AGAP1: variants seen among roughly 807,000 people sequenced by gnomAD.
AGAP1 encodes the protein ArfGAP with GTPase domain, ankyrin repeat and PH domain 1.
AGAP1 carries 29 observed loss-of-function variants against 105.3 expected under a neutral mutation model. That is an observed-to-expected ratio of 0.28 (90% CI 0.21 to 0.38). The LOEUF is 0.38. AGAP1 is among the 10% of genes least tolerant of loss of function. The pLI is 1.00. For missense variants in AGAP1, 998 were observed against 1,165.1 expected, an observed-to-expected ratio of 0.86 and a Z score of 2.09; for synonymous variants, 509 against 485.9, an observed-to-expected ratio of 1.05 and a Z score of -0.63.
rs1200390997 is a variant in AGAP1 at position 235,994,572 on chromosome 2, C to T, written c.1645+25949C>T. Reference sequence around the variant, plus strand: ...CACTGAGAGGTTACTTTCTACCAAACTGTTTCCTAATTGCACTCCCTGCAT... The same window carrying T: ...CACTGAGAGGTTACTTTCTACCAAATTGTTTCCTAATTGCACTCCCTGCAT... On this transcript the variant is annotated intron_variant, in intron 13 of 17. Coordinates refer to ENST00000304032, the MANE Select transcript of AGAP1 (RefSeq NM_001037131.3). The surrounding 1 kb of genome is among the most constrained non-coding windows in gnomAD (Gnocchi z 4.4). 6.6e-6 allele frequency among the ~76,000 whole-genome samples: 1 copy of T among 151,782 alleles called. No individual in the cohort carries two copies. Among genetic ancestry groups the T allele is most frequent in the Non-Finnish European group, 1.5e-5 (1 of 67,978 alleles).
chr2:235,898,229 C>T (rs1214856993), intron 10 of AGAP1, among the ~76,000 whole-genome samples: 1 of 152,198 alleles, frequency 6.6e-6, no homozygotes. Flanking sequence ...TTCCCATTTG[C>T]TGCAGGGTGC....
At chr2:236,057,785 A>AG (rs1161039388) in intron 16 of AGAP1, among the ~76,000 whole-genome samples, 2 of 152,182 alleles carry the variant, frequency 1.3e-5, no homozygotes, top group Non-Finnish European at 2.9e-5. Context: ...ATTTCTAAGA[A>AG]GAGACTAGTC....
chr2:235,955,926 T>C (rs747890739), intron 12 of AGAP1, among the ~76,000 whole-genome samples: 49 of 152,178 alleles, frequency 3.2e-4, no homozygotes, highest in South Asian at 2.1e-4. Flanking sequence ...GATAGGACAC[T>C]TTCCTGTGCA....
At chr2:235,561,493 T>A (rs1337555178) in intron 1 of AGAP1, among the ~76,000 whole-genome samples, 1 of 152,142 alleles carries the variant, frequency 6.6e-6, no homozygotes, top group African/African-American at 2.4e-5. Context: ...TTCCTCTGGC[T>A]GCTGACTTGG....
chr2:235,968,740 C>A, intron 13 of AGAP1, 117 bp downstream of exon 13: 1 of 1,078,554 alleles, frequency 9.3e-7, no homozygotes, highest in Non-Finnish European at 1.3e-6. Context: ...ATGCTGGTCA[C>A]CGTATGTGCT....
intron 16 of AGAP1, among the ~76,000 whole-genome samples, chr2:236,057,559 C>A (rs1050554105): frequency 3.3e-5 from 5 of 151,764 alleles, no homozygotes; most frequent in African/African-American, 1.2e-4. Flanking sequence ...GAGCCCCCCC[C>A]TCAACCCCCG....
intron 13 of AGAP1, among the ~76,000 whole-genome samples, chr2:235,987,677 G>A (rs957603548): frequency 2.0e-5 from 3 of 152,056 alleles, no homozygotes; most frequent in Non-Finnish European, 4.4e-5. Context: ...CACTGTTTTA[G>A]CGGTATCCCA....
intron 1 of AGAP1, among the ~76,000 whole-genome samples, chr2:235,676,064 T>C (rs2149379318): frequency 6.6e-6 from 1 of 152,318 alleles, no homozygotes; most frequent in East Asian, 1.9e-4. Context: ...AAACATATAT[T>C]GCATGTTTAT....
rs1278562783 is a variant in AGAP1 at position 235,586,384 on chromosome 2, G to A, written c.163+91535G>A. Among the ~76,000 whole-genome samples the A allele has an allele frequency of 2.0e-5, 3 of 152,326 alleles. No individual in the cohort carries two copies. Among genetic ancestry groups the A allele is most frequent in the East Asian group, 1.9e-4 (1 of 5,178 alleles). On this transcript the variant is annotated intron_variant, in intron 1 of 17. Transcript: ENST00000304032. This position sits in a 1 kb window ranked among gnomAD's most constrained non-coding sequence, Gnocchi z 4.2. ...GTGTGTGTGGAGTTGGGAAAGAGAC[G>A]GATGTTGAGCCTGAAGAGGCTGTGA...
chr2:236,108,332 CTG>C (rs1462226873), intron 16 of AGAP1, among the ~76,000 whole-genome samples: 5 of 152,234 alleles, frequency 3.3e-5, no homozygotes, highest in Non-Finnish European at 5.9e-5. Context: ...AGGAAGCACT[CTG>C]GAAATTCCTT....
rs376422445 is a variant in AGAP1, at chr2:235,659,638, C to T, written c.164-49541C>T. On this transcript the variant is annotated intron_variant, in intron 1 of 17. Coordinates refer to ENST00000304032, the MANE Select transcript of AGAP1 (RefSeq NM_001037131.3). This position sits in a 1 kb window ranked among gnomAD's most constrained non-coding sequence, Gnocchi z 5.0. ...TGAGAACCTGTGCAGGTCCAGGTGCCGAGGGCTGTCAGATCCCTGCATCAA... is the reference window on the plus strand; with the variant it reads ...TGAGAACCTGTGCAGGTCCAGGTGCTGAGGGCTGTCAGATCCCTGCATCAA... 3.3e-5 allele frequency among the ~76,000 whole-genome samples: 5 copies of T among 152,294 alleles called. 1 individual carries two copies. Among genetic ancestry groups the T allele is most frequent in the East Asian group, 1.9e-4 (1 of 5,186 alleles).
chr2:235,950,446 G>A (rs1262089767), intron 12 of AGAP1, among the ~76,000 whole-genome samples: 1 of 152,112 alleles, frequency 6.6e-6, no homozygotes, highest in Non-Finnish European at 1.5e-5. Flanking sequence ...ACCTGCAGGA[G>A]TTGCAGGAGG....
At position 235,639,881 on chromosome 2, in the gene AGAP1, G is replaced by C. The variant is rs1164752241; in HGVS notation, c.164-69298G>C. ...AGGGGTCCACGGATTGATAGAGTCA[G>C]CAGGGATGGACAGTTTCCCCTTCAG... On this transcript the variant is annotated intron_variant, in intron 1 of 17. Transcript: ENST00000304032. This position sits in a 1 kb window ranked among gnomAD's most constrained non-coding sequence, Gnocchi z 5.3. 3.3e-5 allele frequency among the ~76,000 whole-genome samples: 5 copies of C among 152,316 alleles called. No individual in the cohort carries two copies. The South Asian group carries it at 1.0e-3, about 32-fold the overall frequency.
intron 16 of AGAP1, among the ~76,000 whole-genome samples, chr2:236,116,859 C>G (rs550427227): frequency 1.1e-4 from 17 of 152,030 alleles, no homozygotes; most frequent in Non-Finnish European, 2.2e-4. Context: ...GTTTGGCTTT[C>G]CATTCTTGAG....
intron 1 of AGAP1, among the ~76,000 whole-genome samples, chr2:235,542,332 C>T (rs1297222522): frequency 3.9e-5 from 6 of 152,144 alleles, no homozygotes; most frequent in African/African-American, 1.2e-4. Flanking sequence ...CTTCAGGGAG[C>T]CCGCCCTTGT....
At chr2:235,890,246 T>C (rs2050473707) in intron 10 of AGAP1, among the ~76,000 whole-genome samples, 1 of 150,202 alleles carries the variant, frequency 6.7e-6, no homozygotes, top group Non-Finnish European at 1.5e-5. Context: ...CTGCAACCTC[T>C]GGGTTCAAGT....
intron 16 of AGAP1, among the ~76,000 whole-genome samples, chr2:236,084,170 C>T (rs139098098): frequency 1.2e-3 from 187 of 150,288 alleles, no homozygotes; most frequent in African/African-American, 4.3e-3. Flanking sequence ...TGGGAGGCCC[C>T]GGTGGGGAAC....
At chr2:235,897,364 T>C (rs1172559112) in intron 10 of AGAP1, among the ~76,000 whole-genome samples, 1 of 152,212 alleles carries the variant, frequency 6.6e-6, no homozygotes, top group Non-Finnish European at 1.5e-5. Context: ...CTAAAAATTA[T>C]ACCACTAAAT....
At chr2:235,558,890 C>T (rs1415110719) in intron 1 of AGAP1, among the ~76,000 whole-genome samples, 1 of 151,448 alleles carries the variant, frequency 6.6e-6, no homozygotes, top group East Asian at 1.9e-4. Flanking sequence ...CATGTCTGTT[C>T]TTAATAAGGA....
Sources: gnomAD v4.1 joint callset for allele counts (sites outside exome capture counted in the v4.1 genomes callset) on GRCh38, gnomAD v4.1.1 for gene constraint, Gnocchi (gnomAD v3.1) non-coding constraint, MANE v1.5 for transcripts, NCBI Gene and HGNC (gene_info 2026-07-23, HGNC 2026-07-21) for gene names.